Variants in SPRED2 observed in about 807,000 individuals in gnomAD.
The protein encoded by SPRED2 is sprouty-related, EVH1 domain-containing protein 2.
Under a neutral mutation model 43.0 loss-of-function variants are expected in SPRED2, and 47 were observed. The ratio of observed to expected loss-of-function variants is 1.09; its 90% CI spans 0.87 to 1.40. The LOEUF is 1.40. SPRED2 is among the 40% of genes most tolerant of loss of function. The pLI is 0.00. For synonymous variants in SPRED2, 225 were observed against 225.7 expected (o/e 1.00, Z 0.03); for missense variants, 561 against 586.4 (o/e 0.96, Z 0.45).
In SPRED2 at chr2:65,313,414, T is replaced by G; in HGVS notation, c.*87A>C. On this transcript the variant is annotated 3_prime_UTR_variant, in exon 6 of 6. Transcript: ENST00000356388. ...CGCTTGCCCTCCTCGCTCCTTGGAG[T>G]GGAAGGGAGCGGGGGAGAAGATGAG... 6.6e-7 allele frequency: 1 copy of G among 1,506,740 alleles called. No homozygotes were observed. Among genetic ancestry groups the G allele is most frequent in the Non-Finnish European group, 8.8e-7 (1 of 1,133,324 alleles). The allele number at this position is 1,506,740 out of a possible 1,614,324, so 93.3% of individuals were successfully genotyped here.
chr2:65,382,536 C>T (rs1237819248), intron 1 of SPRED2, among the ~76,000 whole-genome samples: 1 of 152,170 alleles, frequency 6.6e-6, no homozygotes, highest in Non-Finnish European at 1.5e-5. Context: ...GAACTCACAG[C>T]ACAGACTAGC....
chr2:65,318,510 C>T (rs974770287), intron 4 of SPRED2, among the ~76,000 whole-genome samples: 47 of 151,552 alleles, frequency 3.1e-4, no homozygotes, highest in Admixed American at 3.0e-3. Context: ...TGACATATCT[C>T]TCCACCCTCT....
In SPRED2 at chr2:65,383,533, A is replaced by G. The variant is rs1353523411; in HGVS notation, c.27-38637T>C. 2.0e-5 allele frequency among the ~76,000 whole-genome samples: 3 copies of G among 152,114 alleles called. No individual in the cohort carries two copies. In the South Asian group the frequency reaches 6.2e-4, roughly 31 times the overall value. On this transcript the variant is annotated intron_variant, in intron 1 of 5. Transcript: ENST00000356388. ...TGGCCAGAAAGAAGCTACCTTTCACATGGAGGAGGGAGGCTGAGTGCCCAT... is the reference window on the plus strand; with the variant it reads ...TGGCCAGAAAGAAGCTACCTTTCACGTGGAGGAGGGAGGCTGAGTGCCCAT...
rs1157283830 is a variant in SPRED2, at chr2:65,313,652, G to A, written c.1106C>T (p.Thr369Ile). Residue 369 changes from threonine (T) to isoleucine (I), a missense_variant, in exon 6 of 6, where the codon ACT (threonine) becomes ATT (isoleucine). Thr to Ile is a moderately conservative substitution (Grantham distance 89, BLOSUM62 -1). Around this residue, in one of 6 missense-constraint regions of SPRED2, gnomAD observed 65 missense variants for 60.2 expected, o/e 1.08. Coordinates refer to ENST00000356388, the MANE Select transcript of SPRED2 (RefSeq NM_181784.3). Reference protein sequence around the residue: ...GDYTDPCSCDTSDEKFCLRWM... With the variant: ...GDYTDPCSCDISDEKFCLRWM... Reference sequence around the variant, plus strand: ...CCGGAGGCAAAACTTCTCGTCGCTAGTATCGCACGAGCAAGGGTCTGTATA... The same window carrying A: ...CCGGAGGCAAAACTTCTCGTCGCTAATATCGCACGAGCAAGGGTCTGTATA... The A allele has an allele frequency of 4.3e-6, 7 of 1,614,222 alleles. No individual in the cohort carries two copies. Among genetic ancestry groups the A allele is most frequent in the Non-Finnish European group, 5.1e-6 (6 of 1,180,040 alleles).
At position 65,315,167 on chromosome 2, in the gene SPRED2, C is replaced by T. The variant is rs1469542279; in HGVS notation, c.589-998G>A. ...GGAGGCAGAGAACTGAGACTTCTTGCTTTCGAAGTCCTTTGGGCATGAAGG... is the reference window on the plus strand; with the variant it reads ...GGAGGCAGAGAACTGAGACTTCTTGTTTTCGAAGTCCTTTGGGCATGAAGG... On this transcript the variant is annotated intron_variant, in intron 5 of 5. Coordinates refer to ENST00000356388, the MANE Select transcript of SPRED2 (RefSeq NM_181784.3). Among the ~76,000 whole-genome samples the T allele has an allele frequency of 3.3e-5, 5 of 152,240 alleles. 1 individual carries two copies. The highest frequency in any genetic ancestry group is 3.3e-4 in the Admixed American group (5 of 15,288).
At chr2:65,361,128 C>T (rs1255785220) in intron 1 of SPRED2, among the ~76,000 whole-genome samples, 1 of 152,332 alleles carries the variant, frequency 6.6e-6, no homozygotes, top group African/African-American at 2.4e-5. Context: ...ACAAAAGTAA[C>T]ATATGTCCCC....
At chr2:65,425,263 CA>C (rs1301239026) in intron 1 of SPRED2, among the ~76,000 whole-genome samples, 6 of 152,166 alleles carry the variant, frequency 3.9e-5, no homozygotes, top group African/African-American at 1.4e-4. Context: ...ACAGAGGAGC[CA>C]AAACCATACA....
intron 5 of SPRED2, 113 bp downstream of exon 5, chr2:65,316,621 G>A: frequency 7.8e-7 from 1 of 1,282,038 alleles, no homozygotes; most frequent in East Asian, 2.5e-5. Flanking sequence ...GGTAAAGGCA[G>A]GAGCAGGAGA....
At chr2:65,419,471 G>A (rs776482707) in intron 1 of SPRED2, among the ~76,000 whole-genome samples, 12 of 152,028 alleles carry the variant, frequency 7.9e-5, no homozygotes, top group East Asian at 1.9e-4. Context: ...CCACACTTAC[G>A]TTCTTATATC....
intron 1 of SPRED2, among the ~76,000 whole-genome samples, chr2:65,383,604 T>C (rs1425101727): frequency 6.6e-6 from 1 of 152,190 alleles, no homozygotes. Flanking sequence ...GGGTTCCCTA[T>C]GTTCTGAGAT....
chr2:65,426,563 G>C (rs1360371503), intron 1 of SPRED2, among the ~76,000 whole-genome samples: 1 of 152,064 alleles, frequency 6.6e-6, no homozygotes, highest in Non-Finnish European at 1.5e-5. Context: ...GTAATGTAGG[G>C]AAAAAAATAA....
At chr2:65,330,360 T>C (rs1001410113) in intron 4 of SPRED2, among the ~76,000 whole-genome samples, 1 of 152,252 alleles carries the variant, frequency 6.6e-6, no homozygotes, top group South Asian at 2.1e-4. Context: ...ACTGGGGAAC[T>C]ATGAAGTGGA....
intron 1 of SPRED2, among the ~76,000 whole-genome samples, chr2:65,405,155 T>A (rs1382037348): frequency 6.6e-6 from 1 of 152,224 alleles, no homozygotes; most frequent in Non-Finnish European, 1.5e-5. Flanking sequence ...GGAGAGAAAA[T>A]TAAGGCTTAG....
chr2:65,389,177 T>G (rs1026379134), intron 1 of SPRED2, among the ~76,000 whole-genome samples: 2 of 151,844 alleles, frequency 1.3e-5, no homozygotes, highest in African/African-American at 4.8e-5. Flanking sequence ...CAATTCTCCC[T>G]TGTTCTCACC....
intron 1 of SPRED2, among the ~76,000 whole-genome samples, chr2:65,429,549 G>C (rs2103822202): frequency 6.6e-6 from 1 of 152,332 alleles, no homozygotes; most frequent in East Asian, 1.9e-4. Context: ...ATCACAGCAA[G>C]CTCTGTAATT....
chr2:65,330,718 C>T (rs1024879172), intron 4 of SPRED2, among the ~76,000 whole-genome samples: 3 of 152,180 alleles, frequency 2.0e-5, no homozygotes, highest in African/African-American at 4.8e-5. Flanking sequence ...TCTGCCATTA[C>T]GGTGACATAC....
chr2:65,383,746 T>A (rs996122526), intron 1 of SPRED2, among the ~76,000 whole-genome samples: 3 of 152,192 alleles, frequency 2.0e-5, no homozygotes, highest in Non-Finnish European at 4.4e-5. Context: ...TAGATAAACA[T>A]GTACAGGAAA....
chr2:65,401,112 C>T (rs189684603), intron 1 of SPRED2, among the ~76,000 whole-genome samples: 37 of 152,064 alleles, frequency 2.4e-4, no homozygotes, highest in African/African-American at 8.7e-4. Flanking sequence ...GAACTACAGA[C>T]GTACCACACC....
chr2:65,309,025 G>A (rs1037529073), downstream of SPRED2, among the ~76,000 whole-genome samples: 11 of 151,890 alleles, frequency 7.2e-5, no homozygotes, highest in Middle Eastern at 3.2e-3. Flanking sequence ...GTGTGGTGGC[G>A]GGTGCCTGTA....
Sources: gnomAD v4.1 joint callset for allele counts (sites outside exome capture counted in the v4.1 genomes callset) on GRCh38, gnomAD v4.1.1 for gene constraint, gnomAD v4.1.1 regional missense constraint, MANE v1.5 for transcripts, NCBI Gene and HGNC (gene_info 2026-07-23, HGNC 2026-07-21) for gene names.